DNAH11: variants seen among roughly 807,000 people sequenced by gnomAD.
The protein encoded by DNAH11 is axonemal beta dynein heavy chain 11.
In DNAH11, 442 loss-of-function variants were observed where a neutral mutation model predicts 526.0. The observed-to-expected ratio is 0.84, with a 90% CI of 0.78 to 0.91. The LOEUF is 0.91. DNAH11 is among the 40% of genes least tolerant of loss of function. DNAH11 has a pLI of 0.00. For synonymous variants in DNAH11, 2,461 were observed against 1,935.9 expected (o/e 1.27, Z -7.12); for missense variants, 6,989 against 5,448.7 (o/e 1.28, Z -8.90).
chr7:21,591,226 ACT>A lies in DNAH11; in HGVS notation c.2318_2319del (p.Leu773GlnfsTer8), dbSNP rs1191237979. The A allele has an allele frequency of 1.3e-6, 2 of 1,577,062 alleles. No homozygotes were observed. The highest frequency in any genetic ancestry group is 2.3e-5 in the South Asian group (2 of 85,314). On this transcript the variant is annotated frameshift_variant, in exon 14 of 82. Transcript: ENST00000409508. LOFTEE classifies it high-confidence loss of function. ...ACCTTCTTGTGCAAGGGTATAATAA[ACT>A]CAAACAGACGCTCCTGGAAGTTGAA... is the stretch of plus-strand genomic sequence containing the variant. ...LDLLVQGYNK[L>X]KQTLLEVEYP... is the part of the protein sequence containing the mutation.
intron 44 of DNAH11, among the ~76,000 whole-genome samples, chr7:21,724,706 G>GAATATA (rs1583629999): frequency 3.4e-5 from 1 of 29,150 alleles, no homozygotes; most frequent in Admixed American, 4.1e-4. Context: ...CTGTGGATAT[G>GAATATA]GGAGTAACTG....
intron 39 of DNAH11, 60 bp downstream of exon 39, chr7:21,705,597 T>A (rs1784233506): frequency 6.4e-7 from 1 of 1,554,538 alleles, no homozygotes; most frequent in Non-Finnish European, 8.8e-7. Flanking sequence ...TCATTGTGGT[T>A]CGGCCTATTT....
chr7:21,820,850 G>C (rs950487685), intron 65 of DNAH11, among the ~76,000 whole-genome samples: 1 of 152,196 alleles, frequency 6.6e-6, no homozygotes, highest in Non-Finnish European at 1.5e-5. Flanking sequence ...TCATAAGTCA[G>C]TGGGGAAGCT....
Position 21,901,085 on chromosome 7 carries a change from T to G in DNAH11, c.13382T>G (p.Phe4461Cys). Residue 4461 changes from phenylalanine to cysteine, a missense_variant, in exon 82 of 82, where the codon TTT becomes TGT. Phe to Cys is a radical substitution (Grantham distance 205, BLOSUM62 -2). Transcript: ENST00000409508. ...KELACPMPVIFAKATPVDRQE... is the reference protein window; with the variant it reads ...KELACPMPVICAKATPVDRQE... ...CTGGCATGCCCTATGCCGGTCATCT[T>G]TGCAAAAGCCACCCCCGTGGACAGA... The G allele has an allele frequency of 6.2e-7, 1 of 1,613,708 alleles. No individual in the cohort carries two copies. The highest frequency in any genetic ancestry group is 8.5e-7 in the Non-Finnish European group (1 of 1,179,692).
intron 54 of DNAH11, among the ~76,000 whole-genome samples, chr7:21,760,142 G>T (rs1431971570): frequency 6.6e-6 from 1 of 152,180 alleles, no homozygotes; most frequent in Non-Finnish European, 1.5e-5. Flanking sequence ...GGAGAAGGGA[G>T]GGTGTAGTTC....
Position 21,750,301 on chromosome 7 carries a change from C to A in DNAH11, c.8877C>A (p.Gly2959=). ...SGIHNEVHAL[G]MVDSRENCWK... Reference sequence around the variant, plus strand: ...TTCATAATGAAGTTCATGCTCTGGGCATGGTAGACTCCAGGGAAAACTGTT... The same window carrying A: ...TTCATAATGAAGTTCATGCTCTGGGAATGGTAGACTCCAGGGAAAACTGTT... The change falls in exon 54 of 82, where the codon GGC becomes GGA. Residue 2959 remains glycine (G), a synonymous_variant. Coordinates refer to ENST00000409508, the MANE Select transcript of DNAH11 (RefSeq NM_001277115.2). The A allele has an allele frequency of 6.2e-7, 1 of 1,605,658 alleles. No homozygotes were observed. Among genetic ancestry groups the A allele is most frequent in the Non-Finnish European group, 8.5e-7 (1 of 1,175,850 alleles).
At chr7:21,856,399 G>A (rs2128026880) in intron 68 of DNAH11, among the ~76,000 whole-genome samples, 1 of 152,320 alleles carries the variant, frequency 6.6e-6, no homozygotes, top group Middle Eastern at 3.4e-3. Flanking sequence ...GAACTAGTAT[G>A]CAAAACTTCT....
intron 25 of DNAH11, among the ~76,000 whole-genome samples, chr7:21,633,005 A>G (rs1367093080): frequency 1.3e-5 from 2 of 152,204 alleles, no homozygotes; most frequent in Admixed American, 1.3e-4. Context: ...ATCATGGTGG[A>G]AGGTGAAAAG....
intron 8 of DNAH11, among the ~76,000 whole-genome samples, chr7:21,580,480 G>A (rs1268246296): frequency 6.6e-6 from 1 of 152,168 alleles, no homozygotes; most frequent in Admixed American, 6.5e-5. Flanking sequence ...TTCAGCATAA[G>A]GTGCCCTCTG....
chr7:21,593,173 T>G, intron 14 of DNAH11, among the ~76,000 whole-genome samples: 1 of 152,022 alleles, frequency 6.6e-6, no homozygotes. Context: ...GAGAGAGTGA[T>G]GCCCTGGAAA....
intron 61 of DNAH11, among the ~76,000 whole-genome samples, chr7:21,790,407 A>C (rs2127989088): frequency 6.6e-6 from 1 of 152,262 alleles, no homozygotes; most frequent in East Asian, 1.9e-4. Context: ...CCAAGATCAC[A>C]CCACTGCACT....
Position 21,840,547 on chromosome 7 carries a change from G to A in DNAH11, c.10692-1997G>A, listed in dbSNP as rs773289072. The stretch of plus-strand genomic sequence containing the variant: ...AGTTTCACTCTAAGCAGCTTAGGCC[G>A]CTTTGAGAAGTTCCAGTATTCGTGG... On this transcript the variant is annotated intron_variant, in intron 65 of 81. Coordinates refer to ENST00000409508, the MANE Select transcript of DNAH11 (RefSeq NM_001277115.2). Among the ~76,000 whole-genome samples the A allele has an allele frequency of 2.0e-5, 3 of 152,042 alleles. No individual in the cohort carries two copies. In the East Asian group the frequency reaches 5.8e-4, roughly 29 times the overall value.
Position 21,636,031 on chromosome 7 carries a change from A to G in DNAH11, c.4661A>G (p.Glu1554Gly), listed in dbSNP as rs1786848369. ...CTGGAAAGCATTTTTGTCTGTTCAG[A>G]AGATATTCGAATCCAGCTTGTGAAA... is the stretch of plus-strand genomic sequence containing the variant. Reference protein sequence around the residue: ...SHLESIFVCSEDIRIQLVKDA... With the variant: ...SHLESIFVCSGDIRIQLVKDA... The change falls in exon 26 of 82, where the codon GAA becomes GGA. Residue 1554 changes from glutamate to glycine, a missense_variant. Physicochemically the swap from Glu to Gly is moderately conservative, Grantham distance 98. Coordinates refer to ENST00000409508, the MANE Select transcript of DNAH11 (RefSeq NM_001277115.2). The G allele has an allele frequency of 3.1e-6, 5 of 1,613,614 alleles. No homozygotes were observed. Among genetic ancestry groups the G allele is most frequent in the Non-Finnish European group, 4.2e-6 (5 of 1,179,802 alleles).
At chr7:21,563,709 T>G (rs745809968) in intron 5 of DNAH11, among the ~76,000 whole-genome samples, 4 of 152,166 alleles carry the variant, frequency 2.6e-5, no homozygotes, top group Non-Finnish European at 5.9e-5. Flanking sequence ...ATGATATAAT[T>G]TTTCTCAATC....
chr7:21,576,118 A>G (rs1260631936), intron 8 of DNAH11, among the ~76,000 whole-genome samples: 1 of 151,998 alleles, frequency 6.6e-6, no homozygotes, highest in African/African-American at 2.4e-5. Context: ...GTTGCTGCTG[A>G]GTATCCTACC....
At chr7:21,677,218 T>C (rs1418829279) in intron 30 of DNAH11, among the ~76,000 whole-genome samples, 2 of 151,982 alleles carry the variant, frequency 1.3e-5, no homozygotes, top group Non-Finnish European at 2.9e-5. Context: ...TTTTTTTTTT[T>C]TTTTAAACAA....
chr7:21,588,244 G>C, intron 10 of DNAH11, 43 bp downstream of exon 10: 4 of 1,578,738 alleles, frequency 2.5e-6, no homozygotes, highest in Non-Finnish European at 3.4e-6. Context: ...ATATCATTTA[G>C]GCGGATAATG....
intron 30 of DNAH11, among the ~76,000 whole-genome samples, chr7:21,659,927 G>A (rs1299741663): frequency 1.3e-5 from 2 of 151,970 alleles, no homozygotes; most frequent in Non-Finnish European, 1.5e-5. Flanking sequence ...CTTGCATAGC[G>A]ACCACCCAAC....
At chr7:21,553,551 A>G (rs1783103036) in intron 2 of DNAH11, among the ~76,000 whole-genome samples, 1 of 152,056 alleles carries the variant, frequency 6.6e-6, no homozygotes, top group South Asian at 2.1e-4. Context: ...GGTGGGACCT[A>G]CTCAGAAGGA....
Sources: gnomAD v4.1 joint callset for allele counts (sites outside exome capture counted in the v4.1 genomes callset) on GRCh38, gnomAD v4.1.1 for gene constraint, MANE v1.5 for transcripts, NCBI Gene and HGNC (gene_info 2026-07-23, HGNC 2026-07-21) for gene names.